The following GALNT9 variants were observed in gnomAD, a reference collection of about 807,000 sequenced individuals.
The protein encoded by GALNT9 is GalNAc transferase 9.
A neutral mutation model predicts 63.1 loss-of-function variants in GALNT9; 47 were observed. That is an observed-to-expected ratio of 0.75 (90% CI 0.59 to 0.95). GALNT9 has a LOEUF of 0.95. Ranked by LOEUF, GALNT9 falls within the 40% of genes least tolerant of loss-of-function variation. The pLI, the probability that GALNT9 is intolerant of heterozygous loss-of-function variation, is 0.00. For missense variants in GALNT9, 829 were observed against 874.8 expected, an observed-to-expected ratio of 0.95 and a Z score of 0.66; for synonymous variants, 396 against 365.7, an observed-to-expected ratio of 1.08 and a Z score of -0.94.
At chr12:132,270,664 G>GAGCCCGACCAC (rs1879830094) in intron 2 of GALNT9, among the ~76,000 whole-genome samples, 1 of 152,228 alleles carries the variant, frequency 6.6e-6, no homozygotes, top group African/African-American at 2.4e-5. Context: ...CTCCCGGCCA[G>GAGCCCGACCAC]AGCCCGACCA....
At chr12:132,297,481 T>C (rs1555243366) in intron 1 of GALNT9, among the ~76,000 whole-genome samples, 2 of 147,510 alleles carry the variant, frequency 1.4e-5, no homozygotes, top group Non-Finnish European at 3.0e-5. Context: ...ACCAAGTCAC[T>C]CCTGAGATGA....
At chr12:132,321,038 C>T (rs965058285) in intron 1 of GALNT9, among the ~76,000 whole-genome samples, 1 of 152,128 alleles carries the variant, frequency 6.6e-6, no homozygotes, top group Non-Finnish European at 1.5e-5. Flanking sequence ...CAGGGGCCTC[C>T]TGGCGTCCCA....
At chr12:132,240,647 TC>T (rs2136899056) in intron 6 of GALNT9, 72,048 of 455,188 alleles carry the variant, frequency 0.16, 6,676 homozygotes, top group East Asian at 0.29. Context: ...TCGGACCTGC[TC>T]CTCTTCACTC....
rs1555241747 is a variant in GALNT9, at chr12:132,282,410, T to C, written c.419+3840A>G. Reference sequence around the variant, plus strand: ...CTAAAAATACGTGTGTGCGCGTGTGTGCGTGTGTGTGCGTGTGTGCGTGCA... The same window carrying C: ...CTAAAAATACGTGTGTGCGCGTGTGCGCGTGTGTGTGCGTGTGTGCGTGCA... On this transcript the variant is annotated intron_variant, in intron 2 of 10. Coordinates refer to ENST00000328957, the MANE Select transcript of GALNT9 (RefSeq NM_001122636.2). The surrounding 1 kb of genome is among the most constrained non-coding windows in gnomAD (Gnocchi z 4.5). 1.3e-5 allele frequency among the ~76,000 whole-genome samples: 2 copies of C among 148,202 alleles called. No homozygotes were observed. Among genetic ancestry groups the C allele is most frequent in the African/African-American group, 2.4e-5 (1 of 41,124 alleles).
At position 132,277,310 on chromosome 12, in the gene GALNT9, T is replaced by A. The variant is rs1172755484; in HGVS notation, c.419+8940A>T. ...AGCTTCCGTGGCTGCTTGCAGGGGA[T>A]GGAAGACTCCCACAGACGCCTGCTA... On this transcript the variant is annotated intron_variant, in intron 2 of 10. Transcript: ENST00000328957. The A allele has an allele frequency of 2.6e-5, 4 of 154,922 alleles. No individual in the cohort carries two copies. In the Admixed American group the frequency reaches 2.6e-4, roughly 10 times the overall value. The allele number at this position is 154,922 out of a possible 1,614,324, so 9.6% of individuals were successfully genotyped here.
chr12:132,284,121 A>ACACGCACATGCACGCACACC (rs1316256109), intron 2 of GALNT9: 5 of 151,176 alleles, frequency 3.3e-5, no homozygotes, highest in African/African-American at 4.9e-5. Context: ...ACATATGCAC[A>ACACGCACATGCACGCACACC]CACGCACATG....
At chr12:132,216,916 A>G (rs1251282136) in intron 6 of GALNT9, among the ~76,000 whole-genome samples, 21 of 152,170 alleles carry the variant, frequency 1.4e-4, no homozygotes, top group Admixed American at 1.4e-3. Context: ...TTCTTGACTG[A>G]TAGGTTTAGC....
At chr12:132,240,310 C>G (rs1384129626) in intron 6 of GALNT9, among the ~76,000 whole-genome samples, 2 of 152,142 alleles carry the variant, frequency 1.3e-5, no homozygotes, top group Non-Finnish European at 2.9e-5. Context: ...TAGCCCCGGC[C>G]CGGCTCTGGC....
At chr12:132,284,352 G>C (rs1303472921) in intron 2 of GALNT9, 1 of 152,272 alleles carries the variant, frequency 6.6e-6, no homozygotes, top group Non-Finnish European at 1.5e-5. Context: ...GCACAGGCTG[G>C]CTAACACACA....
chr12:132,291,423 A>G (rs1311737342), intron 1 of GALNT9, among the ~76,000 whole-genome samples: 10 of 110,378 alleles, frequency 9.1e-5, no homozygotes, highest in African/African-American at 3.7e-4. Flanking sequence ...CGTCCACAGC[A>G]CCCACAACCA....
intron 6 of GALNT9, among the ~76,000 whole-genome samples, chr12:132,223,067 C>A (rs1228513127): frequency 8.5e-6 from 1 of 118,332 alleles, no homozygotes; most frequent in Non-Finnish European, 1.7e-5. Flanking sequence ...CAACCCACAC[C>A]CCACATACAC....
At chr12:132,202,705 T>G (rs1008675778) in intron 7 of GALNT9, among the ~76,000 whole-genome samples, 3 of 151,782 alleles carry the variant, frequency 2.0e-5, no homozygotes, top group Non-Finnish European at 2.9e-5. Flanking sequence ...CTCCCAGAAC[T>G]CAGGGACCCA....
At chr12:132,207,100 C>T (rs1252590391) in intron 6 of GALNT9, among the ~76,000 whole-genome samples, 1 of 152,200 alleles carries the variant, frequency 6.6e-6, no homozygotes, top group Admixed American at 6.5e-5. Context: ...CAAATGTCAC[C>T]ATCAAGTCTT....
intron 10 of GALNT9, among the ~76,000 whole-genome samples, 163 bp from the exon 11 acceptor site, chr12:132,197,416 G>A (rs1875594672): frequency 6.6e-6 from 1 of 152,110 alleles, no homozygotes; most frequent in Admixed American, 6.5e-5. Context: ...CCGGGAAGGG[G>A]CTGACTTCAG....
chr12:132,271,222 T>G (rs1324570822), intron 2 of GALNT9, among the ~76,000 whole-genome samples: 1 of 151,570 alleles, frequency 6.6e-6, no homozygotes, highest in African/African-American at 2.4e-5. Flanking sequence ...CTCTGAGCCT[T>G]GGGGACACGT....
chr12:132,196,607 C>T lies in GALNT9; in HGVS notation c.*500G>A. On this transcript the variant is annotated 3_prime_UTR_variant, in exon 11 of 11. Coordinates refer to ENST00000328957, the MANE Select transcript of GALNT9 (RefSeq NM_001122636.2). Reference sequence around the variant, plus strand: ...GTCGCTGTCCATGTCCTCCAGCACCCCTCTTACCAGACCACAAGGAGCTGC... The same window carrying T: ...GTCGCTGTCCATGTCCTCCAGCACCTCTCTTACCAGACCACAAGGAGCTGC... 9 of 990,066 alleles carry T rather than the reference C, an allele frequency of 9.1e-6. No individual in the cohort carries two copies. The highest frequency in any genetic ancestry group is 1.1e-5 in the Non-Finnish European group (9 of 832,992). 61.3% of individuals were successfully genotyped at this position (990,066 alleles called of 1,614,324 possible).
chr12:132,206,646 CAAAAA>C (rs34047036), intron 6 of GALNT9, among the ~76,000 whole-genome samples: 31 of 135,744 alleles, frequency 2.3e-4, no homozygotes, highest in Non-Finnish European at 4.1e-4. Context: ...GACTCCGTCT[CAAAAA>C]AAAAAAAAAA....
chr12:132,210,741 C>G (rs186082070), intron 6 of GALNT9, among the ~76,000 whole-genome samples: 2 of 152,066 alleles, frequency 1.3e-5, no homozygotes, highest in Admixed American at 6.6e-5. Flanking sequence ...CTCCAACTTG[C>G]CAAAAGCCAA....
At chr12:132,203,349 CCTGCACACA>C (rs1299495586) in intron 7 of GALNT9, among the ~76,000 whole-genome samples, 147 bp downstream of exon 7, 1 of 151,608 alleles carries the variant, frequency 6.6e-6, no homozygotes, top group African/African-American at 2.4e-5. Flanking sequence ...CCCACTCACA[CCTGCACACA>C]CAACTGCTTG....
Sources: gnomAD v4.1 joint callset for allele counts (sites outside exome capture counted in the v4.1 genomes callset) on GRCh38, gnomAD v4.1.1 for gene constraint, Gnocchi (gnomAD v3.1) non-coding constraint, MANE v1.5 for transcripts, NCBI Gene and HGNC (gene_info 2026-07-23, HGNC 2026-07-21) for gene names.